SPDEF: variants seen among roughly 807,000 people sequenced by gnomAD.
SPDEF encodes the protein SAM pointed domain containing ETS transcription factor, also known as SAM pointed domain-containing Ets transcription factor.
Under a neutral mutation model 36.0 loss-of-function variants are expected in SPDEF, and 12 were observed. That is an observed-to-expected ratio of 0.33 (90% CI 0.21 to 0.54). The LOEUF is 0.54. Among genes scored for constraint, SPDEF ranks in the 20% least tolerant of loss-of-function variants. SPDEF has a pLI of 0.93. For synonymous variants in SPDEF, 205 were observed against 193.0 expected (o/e 1.06, Z -0.51); for missense variants, 388 against 456.9 (o/e 0.85, Z 1.37).
chr6:34,544,335 G>T lies in SPDEF; in HGVS notation c.121C>A (p.Arg41=). Residue 41 remains arginine, a synonymous_variant, in exon 2 of 6, where the codon CGG becomes AGG. Coordinates refer to ENST00000374037, the MANE Select transcript of SPDEF (RefSeq NM_012391.3). This position sits in a 1 kb window ranked among gnomAD's most constrained non-coding sequence, Gnocchi z 4.4. The stretch of plus-strand genomic sequence containing the variant: ...GCGGGTGGACTGGGACTCCAGTCCC[G>T]TCTCTCGAGACCCACTGCCCCCGCT... ...AAAGAVGLER[R]DWSPSPPATP... is the part of the protein sequence containing the mutation. 1 of 1,607,424 alleles carries T rather than the reference G, an allele frequency of 6.2e-7. No homozygotes were observed. Among genetic ancestry groups the T allele is most frequent in the Non-Finnish European group, 8.5e-7 (1 of 1,179,450 alleles).
At position 34,538,013 on chromosome 6, in the gene SPDEF, G is replaced by A. The variant is rs1767730004; in HGVS notation, c.*261C>T. The A allele has an allele frequency of 2.2e-6, 1 of 445,334 alleles. No homozygotes were observed. Among genetic ancestry groups the A allele is most frequent in the Non-Finnish European group, 4.1e-6 (1 of 245,634 alleles). The allele number at this position is 445,334 out of a possible 1,614,324, so 27.6% of individuals were successfully genotyped here. Reference sequence around the variant, plus strand: ...GGAAATGCTGGGGTCAGAGGCAGGTGTTGGGGAGCAGCCCTGTCTCCCTCT... The same window carrying A: ...GGAAATGCTGGGGTCAGAGGCAGGTATTGGGGAGCAGCCCTGTCTCCCTCT... On this transcript the variant is annotated 3_prime_UTR_variant, in exon 6 of 6. Transcript: ENST00000374037. The surrounding 1 kb of genome is among the most constrained non-coding windows in gnomAD (Gnocchi z 5.9).
At chr6:34,550,412 C>T (rs184766886) in intron 1 of SPDEF, among the ~76,000 whole-genome samples, 9 of 152,212 alleles carry the variant, frequency 5.9e-5, no homozygotes, top group Non-Finnish European at 1.2e-4. Context: ...GCTGCCACCT[C>T]GGGCCAGCAG....
intron 3 of SPDEF, among the ~76,000 whole-genome samples, chr6:34,540,690 T>TTTAA (rs1767799552): frequency 1.3e-5 from 2 of 152,192 alleles, no homozygotes; most frequent in Non-Finnish European, 2.9e-5. Context: ...GACTTCCTAG[T>TTTAA]ATCCACGGTT....
chr6:34,540,981 T>C lies in SPDEF; in HGVS notation c.634+3A>G. 1 of 1,609,696 alleles carries C rather than the reference T, an allele frequency of 6.2e-7. No homozygotes were observed. Among genetic ancestry groups the C allele is most frequent in the Non-Finnish European group, 8.5e-7 (1 of 1,178,896 alleles). Reference sequence around the variant, plus strand: ...GGCTGCTCCCAGCCATGCCACATCCTACCTGACTTCCAGATGTCCAGGTGG... The same window carrying C: ...GGCTGCTCCCAGCCATGCCACATCCCACCTGACTTCCAGATGTCCAGGTGG... On this transcript the variant is annotated splice_donor_region_variant and intron_variant, in intron 3 of 5. Transcript: ENST00000374037.
chr6:34,549,606 G>T (rs753836419), intron 1 of SPDEF, among the ~76,000 whole-genome samples: 1 of 152,300 alleles, frequency 6.6e-6, no homozygotes, highest in East Asian at 1.9e-4. Context: ...GACCCAGGTC[G>T]CTGTGCGGGT....
chr6:34,552,060 A>G lies in SPDEF; in HGVS notation c.-30+3869T>C, dbSNP rs3778069. On this transcript the variant is annotated intron_variant, in intron 1 of 5. Transcript: ENST00000374037. The surrounding 1 kb of genome is among the most constrained non-coding windows in gnomAD (Gnocchi z 4.6). The stretch of plus-strand genomic sequence containing the variant: ...CTCTTAGCCACACCAAGGCTGCCAT[A>G]CCCCCACCACCTGCACATCCCCGCT... Among the ~76,000 whole-genome samples the G allele has an allele frequency of 0.045, 6,749 of 151,558 alleles. 294 individuals carry two copies. Among genetic ancestry groups the G allele is most frequent in the African/African-American group, 0.11 (4,623 of 41,272 alleles).
chr6:34,555,465 G>T lies in SPDEF; in HGVS notation c.-30+464C>A, dbSNP rs1362615402. ...CGAACTGGACCCGGCCTTAGACTTAGCCCTGACCCATCAAGCTCCAGCAAG... is the reference window on the plus strand; with the variant it reads ...CGAACTGGACCCGGCCTTAGACTTATCCCTGACCCATCAAGCTCCAGCAAG... On this transcript the variant is annotated intron_variant, in intron 1 of 5. Coordinates refer to ENST00000374037, the MANE Select transcript of SPDEF (RefSeq NM_012391.3). The surrounding 1 kb of genome is among the most constrained non-coding windows in gnomAD (Gnocchi z 5.2). 6.6e-6 allele frequency among the ~76,000 whole-genome samples: 1 copy of T among 152,120 alleles called. No homozygotes were observed. The highest frequency in any genetic ancestry group is 2.4e-5 in the African/African-American group (1 of 41,418).
chr6:34,543,362 A>T (rs1767869727), intron 2 of SPDEF, among the ~76,000 whole-genome samples: 1 of 152,176 alleles, frequency 6.6e-6, no homozygotes, highest in Non-Finnish European at 1.5e-5. Flanking sequence ...TGGAGTGTAC[A>T]TTCTAGTGGA....
At chr6:34,545,207 C>T (rs1442858177) in intron 1 of SPDEF, among the ~76,000 whole-genome samples, 2 of 152,230 alleles carry the variant, frequency 1.3e-5, no homozygotes, top group Admixed American at 6.5e-5. Flanking sequence ...TCAGAAGGTG[C>T]TGCCCCCAGG....
intron 1 of SPDEF, among the ~76,000 whole-genome samples, chr6:34,548,821 G>C (rs577688084): frequency 6.6e-6 from 1 of 152,166 alleles, no homozygotes; most frequent in African/African-American, 2.4e-5. Context: ...CGACTTCCTA[G>C]GCTCGCCTCA....
rs1340186655 is a variant in SPDEF, at chr6:34,555,158, CA to C, written c.-30+770del. ...CGCACGCACACACCTCCACCAGCCTCAGGGGCACCCAGTCGCCCAGGCCCTT... is the reference window on the plus strand; with the variant it reads ...CGCACGCACACACCTCCACCAGCCTCGGGGCACCCAGTCGCCCAGGCCCTT... On this transcript the variant is annotated intron_variant, in intron 1 of 5. Transcript: ENST00000374037. This position sits in a 1 kb window ranked among gnomAD's most constrained non-coding sequence, Gnocchi z 5.2. Among the ~76,000 whole-genome samples the C allele has an allele frequency of 6.6e-6, 1 of 152,088 alleles. No individual in the cohort carries two copies. The highest frequency in any genetic ancestry group is 1.5e-5 in the Non-Finnish European group (1 of 68,022).
rs150516487 is a variant in SPDEF at position 34,551,164 on chromosome 6, G to A, written c.-30+4765C>T. On this transcript the variant is annotated intron_variant, in intron 1 of 5. Coordinates refer to ENST00000374037, the MANE Select transcript of SPDEF (RefSeq NM_012391.3). Reference sequence around the variant, plus strand: ...CCTTTCTGCTGGTGCTGGCAGACCCGGCATCTTCTAGCTCCTAAGGTTGCC... The same window carrying A: ...CCTTTCTGCTGGTGCTGGCAGACCCAGCATCTTCTAGCTCCTAAGGTTGCC... Among the ~76,000 whole-genome samples the A allele has an allele frequency of 9.2e-5, 14 of 152,268 alleles. 1 individual carries two copies. Among genetic ancestry groups the A allele is most frequent in the African/African-American group, 2.4e-4 (10 of 41,548 alleles).
rs1057288390 is a variant in SPDEF at position 34,544,591 on chromosome 6, G to A, written c.-29-107C>T. The A allele has an allele frequency of 5.4e-6, 5 of 923,418 alleles. No individual in the cohort carries two copies. The highest frequency in any genetic ancestry group is 4.2e-5 in the South Asian group (2 of 47,466). 57.2% of individuals were successfully genotyped at this position (923,418 alleles called of 1,614,324 possible). On this transcript the variant is annotated intron_variant, in intron 1 of 5. Coordinates refer to ENST00000374037, the MANE Select transcript of SPDEF (RefSeq NM_012391.3). The surrounding 1 kb of genome is among the most constrained non-coding windows in gnomAD (Gnocchi z 4.4). Reference sequence around the variant, plus strand: ...CCCTGTGGACAGTGGGCTGGGCCTGGGACAGAGTTGGGGGCTTCCGGGTCA... The same window carrying A: ...CCCTGTGGACAGTGGGCTGGGCCTGAGACAGAGTTGGGGGCTTCCGGGTCA...
In SPDEF at chr6:34,544,414, G is replaced by C. The variant is rs1281341534; in HGVS notation, c.42C>G (p.Ser14Arg). 21 of 1,586,354 alleles carry C rather than the reference G, an allele frequency of 1.3e-5. No individual in the cohort carries two copies. The highest frequency in any genetic ancestry group is 1.4e-5 in the Non-Finnish European group (16 of 1,164,398). The change falls in exon 2 of 6, where the codon AGC becomes AGG. Residue 14 changes from serine to arginine, a missense_variant. Ser to Arg is a moderately radical substitution (Grantham distance 110). Coordinates refer to ENST00000374037, the MANE Select transcript of SPDEF (RefSeq NM_012391.3). This position sits in a 1 kb window ranked among gnomAD's most constrained non-coding sequence, Gnocchi z 4.4. ...ASPGLSSVSP[S>R]HLLLPPDTVS... is the part of the protein sequence containing the mutation. ...CCGTGTCGGGGGGCAGCAGGAGGTG[G>C]CTGGGGGATACGCTGCTCAGACCCG...
chr6:34,540,613 A>C (rs181607424), intron 3 of SPDEF, among the ~76,000 whole-genome samples: 8 of 152,082 alleles, frequency 5.3e-5, no homozygotes, highest in African/African-American at 1.7e-4. Context: ...ATGCACATTT[A>C]TTACTTCTTT....
chr6:34,550,898 C>G (rs967625651), intron 1 of SPDEF, among the ~76,000 whole-genome samples: 1 of 152,250 alleles, frequency 6.6e-6, no homozygotes, highest in Non-Finnish European at 1.5e-5. Context: ...ATCAGTGAAG[C>G]CTCCTCTGTG....
At chr6:34,548,826 G>A (rs1173012244) in intron 1 of SPDEF, among the ~76,000 whole-genome samples, 3 of 151,944 alleles carry the variant, frequency 2.0e-5, no homozygotes, top group Non-Finnish European at 4.4e-5. Flanking sequence ...TCCTAGGCTC[G>A]CCTCATCTGT....
At position 34,539,197 on chromosome 6, in the gene SPDEF, C is replaced by T; in HGVS notation, c.829+53G>A. 6.2e-7 allele frequency: 1 copy of T among 1,600,548 alleles called. No individual in the cohort carries two copies. The highest frequency in any genetic ancestry group is 8.5e-7 in the Non-Finnish European group (1 of 1,172,600). On this transcript the variant is annotated intron_variant, in intron 5 of 5. Transcript: ENST00000374037. This position sits in a 1 kb window ranked among gnomAD's most constrained non-coding sequence, Gnocchi z 5.2. ...CATGCACCGTGCCTGGCAGAAGCCC[C>T]CACAACCTCCATGCTCACTGGCCCT...
At position 34,539,224 on chromosome 6, in the gene SPDEF, C is replaced by A. The variant is rs1267508569; in HGVS notation, c.829+26G>T. ...ACAACCTCCATGCTCACTGGCCCTG[C>A]AGCGCCCCTTGGGCACCCTGCTCAC... On this transcript the variant is annotated intron_variant, in intron 5 of 5. Coordinates refer to ENST00000374037, the MANE Select transcript of SPDEF (RefSeq NM_012391.3). The surrounding 1 kb of genome is among the most constrained non-coding windows in gnomAD (Gnocchi z 5.2). The A allele has an allele frequency of 6.2e-7, 1 of 1,611,478 alleles. No individual in the cohort carries two copies. Among genetic ancestry groups the A allele is most frequent in the East Asian group, 2.2e-5 (1 of 44,882 alleles).
Sources: gnomAD v4.1 joint callset for allele counts (sites outside exome capture counted in the v4.1 genomes callset) on GRCh38, gnomAD v4.1.1 for gene constraint, Gnocchi (gnomAD v3.1) non-coding constraint, MANE v1.5 for transcripts, NCBI Gene and HGNC (gene_info 2026-07-23, HGNC 2026-07-21) for gene names.